Variants in LINGO2 observed in about 807,000 individuals in gnomAD.
The protein encoded by LINGO2 is leucine-rich repeat and immunoglobulin-like domain-containing nogo receptor-interacting protein 2.
A neutral mutation model predicts 30.6 loss-of-function variants in LINGO2; 14 were observed. That is an observed-to-expected ratio of 0.46 (90% CI 0.30 to 0.72). The LOEUF is 0.72. Ranked by LOEUF, LINGO2 falls within the 30% of genes least tolerant of loss-of-function variation. The pLI is 0.07. For synonymous variants in LINGO2, 317 were observed against 288.5 expected (o/e 1.10, Z -1.00); for missense variants, 729 against 751.7 (o/e 0.97, Z 0.35).
chr9:28,043,602 G>T (rs1314753979), intron 4 of LINGO2, among the ~76,000 whole-genome samples: 1 of 152,100 alleles, frequency 6.6e-6, no homozygotes, highest in Non-Finnish European at 1.5e-5. Context: ...TTTCTTTATG[G>T]AAAGTTTCAA....
the LINGO2 span, among the ~76,000 whole-genome samples, chr9:29,082,266 A>C: frequency 6.6e-6 from 1 of 152,192 alleles, no homozygotes; most frequent in African/African-American, 2.4e-5. Context: ...AGCACTCAGA[A>C]ATAATACCAC....
At chr9:28,733,719 A>G in the LINGO2 span, among the ~76,000 whole-genome samples, 9 of 152,106 alleles carry the variant, frequency 5.9e-5, no homozygotes, top group African/African-American at 1.4e-4. Flanking sequence ...TGTGCCTTCC[A>G]AAGAGTCAGA....
chr9:28,117,245 A>T (rs997415561), intron 4 of LINGO2, among the ~76,000 whole-genome samples: 1 of 151,820 alleles, frequency 6.6e-6, no homozygotes, highest in Non-Finnish European at 1.5e-5. Context: ...TCAGGGACCC[A>T]CTTGAGGAGG....
At chr9:29,181,206 C>T in the LINGO2 span, among the ~76,000 whole-genome samples, 1 of 152,130 alleles carries the variant, frequency 6.6e-6, no homozygotes, top group African/African-American at 2.4e-5. Context: ...AACAATTTAT[C>T]ATATGTACAA....
chr9:28,119,458 A>G (rs1827030174), intron 4 of LINGO2, among the ~76,000 whole-genome samples: 1 of 152,242 alleles, frequency 6.6e-6, no homozygotes, highest in African/African-American at 2.4e-5. Context: ...AGGTTAATAC[A>G]GTCTTAGTCT....
chr9:28,501,967 G>T (rs986258739), intron 1 of LINGO2, among the ~76,000 whole-genome samples: 12 of 151,924 alleles, frequency 7.9e-5, no homozygotes, highest in African/African-American at 2.9e-4. Flanking sequence ...GAAAGAGAGA[G>T]AAAGTAGGAG....
chr9:28,179,837 C>T (rs555369777), intron 4 of LINGO2, among the ~76,000 whole-genome samples: 2 of 151,524 alleles, frequency 1.3e-5, no homozygotes, highest in South Asian at 4.1e-4. Flanking sequence ...GAAAAGAAAA[C>T]TGTAGTTTCT....
At chr9:28,014,968 G>C (rs1050821535) in intron 4 of LINGO2, among the ~76,000 whole-genome samples, 3 of 152,024 alleles carry the variant, frequency 2.0e-5, no homozygotes, top group African/African-American at 7.2e-5. Context: ...AAAAACTAAA[G>C]TTTGTACAAA....
intron 3 of LINGO2, among the ~76,000 whole-genome samples, chr9:28,346,237 G>C (rs1027714541): frequency 6.6e-6 from 1 of 152,080 alleles, no homozygotes; most frequent in African/African-American, 2.4e-5. Context: ...ACTGTCTGTT[G>C]TTCCTCTCCC....
Position 28,233,157 on chromosome 9 carries a change from G to A in LINGO2, c.-87+62051C>T, listed in dbSNP as rs73645622. ...GTGTGGTCTGTGTGTGTGTGTGTGC[G>A]TATCTGTGTGTGTGTCATCTCCATT... On this transcript the variant is annotated intron_variant, in intron 4 of 5. Transcript: ENST00000379992. Among the ~76,000 whole-genome samples the A allele has an allele frequency of 8.0e-5, 12 of 149,150 alleles. 1 individual carries two copies. Among genetic ancestry groups the A allele is most frequent in the African/African-American group, 2.2e-4 (9 of 40,250 alleles).
intron 2 of LINGO2, among the ~76,000 whole-genome samples, chr9:28,434,156 T>C (rs1204447140): frequency 6.6e-6 from 1 of 151,482 alleles, no homozygotes; most frequent in Non-Finnish European, 1.5e-5. Context: ...CTATGAGGAC[T>C]GCAAAGGCAT....
At chr9:29,116,406 A>T in the LINGO2 span, among the ~76,000 whole-genome samples, 2 of 152,082 alleles carry the variant, frequency 1.3e-5, no homozygotes, top group Non-Finnish European at 2.9e-5. Context: ...TTCCATAAAG[A>T]TGGCATAAAA....
At chr9:28,413,299 T>C (rs533308955) in intron 2 of LINGO2, among the ~76,000 whole-genome samples, 2 of 152,110 alleles carry the variant, frequency 1.3e-5, no homozygotes, top group Non-Finnish European at 1.5e-5. Context: ...TGCTAGGGTT[T>C]ATCTATCATT....
the LINGO2 span, among the ~76,000 whole-genome samples, chr9:28,764,097 G>A: frequency 9.3e-5 from 14 of 150,982 alleles, no homozygotes; most frequent in African/African-American, 3.2e-4. Flanking sequence ...ACCAAAAATC[G>A]GAAGAAGATT....
chr9:27,977,749 G>A (rs1431501574), intron 5 of LINGO2, among the ~76,000 whole-genome samples: 4 of 151,226 alleles, frequency 2.6e-5, no homozygotes, highest in African/African-American at 9.7e-5. Flanking sequence ...ACCCAATGCT[G>A]TCTGACAACC....
chr9:28,961,802 G>A, the LINGO2 span, among the ~76,000 whole-genome samples: 2 of 152,236 alleles, frequency 1.3e-5, no homozygotes, highest in Non-Finnish European at 2.9e-5. Flanking sequence ...TCTCATTCCT[G>A]ATCAAGTTCT....
chr9:28,004,684 G>C (rs1822171723), intron 5 of LINGO2, among the ~76,000 whole-genome samples: 1 of 152,092 alleles, frequency 6.6e-6, no homozygotes, highest in African/African-American at 2.4e-5. Flanking sequence ...CTCAACAAAG[G>C]CACCTGAACA....
At chr9:28,059,566 A>C (rs1460552422) in intron 4 of LINGO2, among the ~76,000 whole-genome samples, 3 of 152,130 alleles carry the variant, frequency 2.0e-5, no homozygotes, top group African/African-American at 7.2e-5. Context: ...GTGTGAGGAG[A>C]CAGCAGATGA....
intron 1 of LINGO2, among the ~76,000 whole-genome samples, chr9:28,662,970 A>C (rs975310566): frequency 1.3e-5 from 2 of 152,160 alleles, no homozygotes; most frequent in African/African-American, 4.8e-5. Context: ...AGTTTCACAC[A>C]TCAAGGGTAG....
Sources: gnomAD v4.1 joint callset for allele counts (sites outside exome capture counted in the v4.1 genomes callset) on GRCh38, gnomAD v4.1.1 for gene constraint, MANE v1.5 for transcripts, NCBI Gene and HGNC (gene_info 2026-07-23, HGNC 2026-07-21) for gene names.